The following NECAB1 variants were observed in gnomAD, a reference collection of about 807,000 sequenced individuals.
NECAB1 encodes N-terminal EF-hand calcium binding protein 1.
NECAB1 carries 29 observed loss-of-function variants against 57.5 expected under a neutral mutation model. The observed-to-expected ratio is 0.50, with a 90% confidence interval of 0.38 to 0.69. The LOEUF (loss-of-function observed/expected upper bound fraction) is 0.69. Ranked by LOEUF, NECAB1 falls within the 30% of genes least tolerant of loss-of-function variation. NECAB1 has a pLI of 0.00. For missense variants in NECAB1, 372 were observed against 413.8 expected, an observed-to-expected ratio of 0.90 and a Z score of 0.88; for synonymous variants, 142 against 147.7, an observed-to-expected ratio of 0.96 and a Z score of 0.28.
chr8:90,943,792 C>T (rs970268999), intron 10 of NECAB1, among the ~76,000 whole-genome samples: 1 of 152,176 alleles, frequency 6.6e-6, no homozygotes, highest in African/African-American at 2.4e-5. Context: ...TGCTCTGTTG[C>T]CCAGGCTGTA....
At chr8:90,892,320 C>A (rs2129960706) in intron 5 of NECAB1, among the ~76,000 whole-genome samples, 1 of 152,144 alleles carries the variant, frequency 6.6e-6, no homozygotes, top group Non-Finnish European at 1.5e-5. Flanking sequence ...ATCATTCAGT[C>A]AAATATGAGC....
intron 3 of NECAB1, among the ~76,000 whole-genome samples, chr8:90,860,894 G>A (rs1812890302): frequency 6.6e-6 from 1 of 152,136 alleles, no homozygotes; most frequent in African/African-American, 2.4e-5. Context: ...GGTATTGTGA[G>A]GGAAGGTTAG....
chr8:90,955,081 T>C (rs1261745021), intron 12 of NECAB1, among the ~76,000 whole-genome samples: 1 of 140,398 alleles, frequency 7.1e-6, no homozygotes, highest in East Asian at 2.1e-4. Flanking sequence ...TATTTCTACA[T>C]ATAGGATTTC....
chr8:90,886,132 C>T (rs951291180), intron 5 of NECAB1, among the ~76,000 whole-genome samples: 1 of 152,110 alleles, frequency 6.6e-6, no homozygotes, highest in African/African-American at 2.4e-5. Context: ...GTTACATACC[C>T]ATGTCAAACA....
chr8:90,908,469 G>A (rs1809748411), intron 5 of NECAB1, among the ~76,000 whole-genome samples: 1 of 152,078 alleles, frequency 6.6e-6, no homozygotes, highest in Non-Finnish European at 1.5e-5. Flanking sequence ...TGGCATATAA[G>A]AGGTGTTAAA....
intron 2 of NECAB1, among the ~76,000 whole-genome samples, chr8:90,819,939 C>T (rs776820567): frequency 8.6e-5 from 13 of 151,828 alleles, no homozygotes; most frequent in Non-Finnish European, 1.6e-4. Flanking sequence ...TTCTTACCTC[C>T]TCACTGTGAG....
At chr8:90,830,322 T>A (rs1812282735) in intron 3 of NECAB1, among the ~76,000 whole-genome samples, 1 of 152,002 alleles carries the variant, frequency 6.6e-6, no homozygotes, top group South Asian at 2.1e-4. Flanking sequence ...CTTAAGTTCC[T>A]GGAGAATAGA....
intron 3 of NECAB1, among the ~76,000 whole-genome samples, chr8:90,842,292 G>A (rs1415831304): frequency 6.6e-6 from 1 of 152,114 alleles, no homozygotes; most frequent in African/African-American, 2.4e-5. Context: ...CAACCTCAAA[G>A]GTCAACTTTC....
At chr8:90,898,377 T>C (rs1237089399) in intron 5 of NECAB1, among the ~76,000 whole-genome samples, 2 of 152,218 alleles carry the variant, frequency 1.3e-5, no homozygotes. Context: ...TTTAAATCAA[T>C]ATTGTCCCAT....
rs141727263 is a variant in NECAB1, at chr8:90,878,340, G to A, written c.260-2693G>A. On this transcript the variant is annotated intron_variant, in intron 4 of 12. Transcript: ENST00000417640. ...GGCACATAAAAGGCCCTAAGTAAAG[G>A]TTTGTTAGGCCACAGAATGAGTAAG... 7.2e-5 allele frequency among the ~76,000 whole-genome samples: 11 copies of A among 152,214 alleles called. No homozygotes were observed. The East Asian group carries it at 1.9e-3, about 27-fold the overall frequency.
At chr8:90,818,089 A>T (rs907273557) in intron 2 of NECAB1, among the ~76,000 whole-genome samples, 4 of 149,772 alleles carry the variant, frequency 2.7e-5, no homozygotes, top group African/African-American at 9.7e-5. Flanking sequence ...AGTTGTTCAT[A>T]GTACTACTTT....
At chr8:90,894,744 A>G (rs991869337) in intron 5 of NECAB1, among the ~76,000 whole-genome samples, 7 of 152,216 alleles carry the variant, frequency 4.6e-5, no homozygotes, top group Admixed American at 4.6e-4. Flanking sequence ...AACAACAACC[A>G]AAATATTTTA....
At chr8:90,875,246 CCGAGG>C in intron 4 of NECAB1, among the ~76,000 whole-genome samples, 1 of 151,866 alleles carries the variant, frequency 6.6e-6, no homozygotes, top group Middle Eastern at 3.4e-3. Flanking sequence ...CTTTGGGAGG[CCGAGG>C]CGGGTGGATC....
At chr8:90,919,464 T>G (rs1810053452) in intron 6 of NECAB1, among the ~76,000 whole-genome samples, 2 of 152,194 alleles carry the variant, frequency 1.3e-5, no homozygotes, top group Non-Finnish European at 2.9e-5. Context: ...AATGTCAAAA[T>G]GAGTGAGCAC....
At chr8:90,930,929 A>G (rs1810388601) in intron 8 of NECAB1, among the ~76,000 whole-genome samples, 2 of 152,348 alleles carry the variant, frequency 1.3e-5, no homozygotes, top group Middle Eastern at 3.4e-3. Flanking sequence ...ACCTCTTTTT[A>G]AAGTGGTTTT....
At chr8:90,850,948 A>G (rs1278165658) in intron 3 of NECAB1, among the ~76,000 whole-genome samples, 1 of 152,180 alleles carries the variant, frequency 6.6e-6, no homozygotes, top group Admixed American at 6.5e-5. Flanking sequence ...AGAGGAACCA[A>G]CCAAGTGATT....
At chr8:90,803,860 A>C (rs1031454338) in intron 2 of NECAB1, among the ~76,000 whole-genome samples, 1 of 152,152 alleles carries the variant, frequency 6.6e-6, no homozygotes, top group Non-Finnish European at 1.5e-5. Flanking sequence ...GAGAACACTC[A>C]CGCTTTGCTT....
intron 3 of NECAB1, among the ~76,000 whole-genome samples, chr8:90,845,584 T>C (rs1812540905): frequency 6.6e-6 from 1 of 152,226 alleles, no homozygotes; most frequent in African/African-American, 2.4e-5. Flanking sequence ...GTATTTTGTA[T>C]AAATAGACAG....
chr8:90,897,442 G>A (rs956917989), intron 5 of NECAB1, among the ~76,000 whole-genome samples: 6 of 152,138 alleles, frequency 3.9e-5, no homozygotes, highest in African/African-American at 1.4e-4. Context: ...CATATGCTAG[G>A]TGTTACCTCT....
Sources: allele counts gnomAD v4.1 joint callset (sites outside exome capture counted in the v4.1 genomes callset), GRCh38; gene constraint gnomAD v4.1.1; transcripts MANE v1.5; gene names NCBI Gene and HGNC (gene_info 2026-07-23, HGNC 2026-07-21).